The following ARHGEF12 variants were observed in gnomAD, a reference collection of about 807,000 sequenced individuals.
ARHGEF12 encodes KMT2A/ARHGEF12 fusion protein.
In ARHGEF12, 66 loss-of-function variants were observed where a neutral mutation model predicts 211.2. The ratio of observed to expected loss-of-function variants is 0.31; its 90% CI spans 0.26 to 0.38. The LOEUF (loss-of-function observed/expected upper bound fraction) is 0.38. ARHGEF12 is among the 10% of genes least tolerant of loss of function. The pLI is 1.00. For synonymous variants in ARHGEF12, 592 were observed against 638.4 expected, an observed-to-expected ratio of 0.93 and a Z score of 1.09; for missense variants, 1,429 against 1,869.5, an observed-to-expected ratio of 0.76 and a Z score of 4.34.
rs535311380 is a variant in ARHGEF12 at position 120,487,288 on chromosome 11, G to C, written c.*2211G>C. The C allele has an allele frequency of 4.6e-6, 1 of 219,698 alleles. No homozygotes were observed. Among genetic ancestry groups the C allele is most frequent in the East Asian group, 6.7e-5 (1 of 14,862 alleles). 13.6% of individuals were successfully genotyped at this position (219,698 alleles called of 1,614,324 possible). A position where few individuals can be genotyped will look rare whatever the true frequency, so the allele number is the denominator to read the frequency against. Reference sequence around the variant, plus strand: ...TTCCCTGCAGTTCAATTTCTCCTTGGAACTCTAACAGGACTAACTGGAAAA... The same window carrying C: ...TTCCCTGCAGTTCAATTTCTCCTTGCAACTCTAACAGGACTAACTGGAAAA... On this transcript the variant is annotated 3_prime_UTR_variant, in exon 41 of 41. Transcript: ENST00000397843.
rs1407795404 is a variant in ARHGEF12 at position 120,442,164 on chromosome 11, T to C, written c.1264T>C (p.Phe422Leu). The C allele has an allele frequency of 6.2e-7, 1 of 1,610,870 alleles. No homozygotes were observed. Among genetic ancestry groups the C allele is most frequent in the South Asian group, 1.1e-5 (1 of 90,936 alleles). ...HTNSKETRRI[F>L]LEFHQFFLDR... ...CAATTCCAAAGAAACTCGTCGCATC[T>C]TCCTTGAGTTTCATCAGTTCTTTCT... The change falls in exon 15 of 41, where the codon TTC (phenylalanine) becomes CTC (leucine). Residue 422 changes from phenylalanine to leucine, a missense_variant. Physicochemically the swap from Phe to Leu is conservative, Grantham distance 22. This residue lies in a region of ARHGEF12 where 373 missense variants were observed against 467.5 expected (regional missense o/e 0.80). Transcript: ENST00000397843.
At chr11:120,337,657 C>T (rs966884589) in intron 1 of ARHGEF12, 5 of 985,286 alleles carry the variant, frequency 5.1e-6, no homozygotes, top group African/African-American at 1.7e-5. Context: ...TAGCCGTGTC[C>T]TGCAGTAGAT....
At chr11:120,353,203 G>C (rs554727284) in intron 1 of ARHGEF12, among the ~76,000 whole-genome samples, 2 of 152,182 alleles carry the variant, frequency 1.3e-5, no homozygotes, top group Non-Finnish European at 2.9e-5. Flanking sequence ...TCAGCATACA[G>C]GGTCATCAAT....
intron 7 of ARHGEF12, among the ~76,000 whole-genome samples, chr11:120,424,829 G>A (rs1016234777): frequency 6.6e-6 from 1 of 152,170 alleles, no homozygotes; most frequent in African/African-American, 2.4e-5. Flanking sequence ...AGAGGAAGGA[G>A]GTTGAGAAGT....
At chr11:120,483,630 T>G (rs1947319575) in intron 39 of ARHGEF12, among the ~76,000 whole-genome samples, 1 of 151,644 alleles carries the variant, frequency 6.6e-6, no homozygotes, top group African/African-American at 2.4e-5. Flanking sequence ...ATTTATATTT[T>G]TTGAGACAGA....
chr11:120,421,335 G>A (rs1945179091), intron 5 of ARHGEF12, among the ~76,000 whole-genome samples: 1 of 151,766 alleles, frequency 6.6e-6, no homozygotes. Context: ...TGATATTGAG[G>A]CTTAGAGTAA....
Position 120,337,212 on chromosome 11 carries a change from G to A in ARHGEF12, c.-32G>A. On this transcript the variant is annotated 5_prime_UTR_variant, in exon 1 of 41. Coordinates refer to ENST00000397843, the MANE Select transcript of ARHGEF12 (RefSeq NM_015313.3). ...AGGTGTTACTGTAAAATGCAAGTTG[G>A]ATAAAAGGAGGACCTCTCGCCAAGG... is the stretch of plus-strand genomic sequence containing the variant. 2 of 1,614,136 alleles carry A rather than the reference G, an allele frequency of 1.2e-6. No individual in the cohort carries two copies. The highest frequency in any genetic ancestry group is 8.5e-7 in the Non-Finnish European group (1 of 1,180,000).
At chr11:120,369,944 G>A (rs1463920907) in intron 1 of ARHGEF12, among the ~76,000 whole-genome samples, 1 of 152,112 alleles carries the variant, frequency 6.6e-6, no homozygotes, top group Non-Finnish European at 1.5e-5. Context: ...CTTTCCAGAA[G>A]TAAACATCAT....
At chr11:120,470,055 G>A (rs891867700) in intron 30 of ARHGEF12, among the ~76,000 whole-genome samples, 4 of 152,142 alleles carry the variant, frequency 2.6e-5, no homozygotes, top group African/African-American at 9.7e-5. Flanking sequence ...TGCCTAAAAA[G>A]CAAAGTCAGA....
At chr11:120,456,778 G>A (rs1052701899) in intron 22 of ARHGEF12, among the ~76,000 whole-genome samples, 2 of 152,136 alleles carry the variant, frequency 1.3e-5, no homozygotes, top group African/African-American at 4.8e-5. Context: ...AGGATTGCTT[G>A]AGCCCAGGAA....
intron 33 of ARHGEF12, 54 bp from the exon 34 acceptor site, chr11:120,476,607 C>A: frequency 7.2e-7 from 1 of 1,398,082 alleles, no homozygotes; most frequent in African/African-American, 1.4e-5. Flanking sequence ...AAAAACATCC[C>A]TCATGGCCTC....
Position 120,478,210 on chromosome 11 carries a change from C to T in ARHGEF12, c.3587C>T (p.Ser1196Leu). The T allele has an allele frequency of 1.2e-6, 2 of 1,614,092 alleles. No individual in the cohort carries two copies. The highest frequency in any genetic ancestry group is 1.1e-5 in the South Asian group (1 of 91,064). The change falls in exon 37 of 41, where the codon TCA becomes TTA. Residue 1196 changes from serine (S) to leucine (L), a missense_variant. Ser to Leu is a moderately radical substitution (Grantham distance 145). This residue lies in a region of ARHGEF12 where 467 missense variants were observed against 468.4 expected (regional missense o/e 1.00). Transcript: ENST00000397843. ...ATATCGTCAAAACCTCAGTCTCATT[C>T]ACTGAGTACCTCTGGGAAATCAGAG... ...TLISSKPQSH[S>L]LSTSGKSEVR...
intron 6 of ARHGEF12, among the ~76,000 whole-genome samples, chr11:120,422,680 G>A (rs1945227682): frequency 6.6e-6 from 1 of 152,128 alleles, no homozygotes; most frequent in Non-Finnish European, 1.5e-5. Flanking sequence ...AGCGATACCT[G>A]ACCTGTATGC....
At chr11:120,353,810 AC>A (rs1403732640) in intron 1 of ARHGEF12, among the ~76,000 whole-genome samples, 1 of 151,898 alleles carries the variant, frequency 6.6e-6, no homozygotes. Flanking sequence ...CCAGATCTCC[AC>A]CCGCCCTTCT....
chr11:120,438,508 A>G (rs975291594), intron 12 of ARHGEF12: 1 of 152,146 alleles, frequency 6.6e-6, no homozygotes, highest in Non-Finnish European at 1.5e-5. Flanking sequence ...AAGAGTTGTT[A>G]AAAGGCAGAA....
rs754670094 is a variant in ARHGEF12 at position 120,429,510 on chromosome 11, G to A, written c.656G>A (p.Arg219Gln). Residue 219 changes from arginine (R) to glutamine (Q), a missense_variant, in exon 9 of 41, where the codon CGG (arginine) becomes CAG (glutamine). Arg to Gln is a conservative substitution (Grantham distance 43, BLOSUM62 1). Coordinates refer to ENST00000397843, the MANE Select transcript of ARHGEF12 (RefSeq NM_015313.3). ...AAAATGTTACAGAAAGAACAGGAAC[G>A]GCTACAGGTATTAAATGAGAAGTAG... is the stretch of plus-strand genomic sequence containing the variant. ...LRKMLQKEQE[R>Q]LQLLQEDYNR... 8.1e-6 allele frequency: 13 copies of A among 1,613,648 alleles called. No individual in the cohort carries two copies. The highest frequency in any genetic ancestry group is 9.3e-6 in the Non-Finnish European group (11 of 1,179,826).
At chr11:120,370,299 A>G (rs544037672) in intron 1 of ARHGEF12, among the ~76,000 whole-genome samples, 3 of 152,070 alleles carry the variant, frequency 2.0e-5, no homozygotes, top group South Asian at 4.2e-4. Flanking sequence ...TAATGTTTCC[A>G]TTATTTGTAG....
intron 14 of ARHGEF12, 139 bp downstream of exon 14, chr11:120,441,956 A>G (rs1565484356): frequency 1.2e-5 from 11 of 921,082 alleles, no homozygotes; most frequent in Non-Finnish European, 1.6e-5. Flanking sequence ...TAATTAAAAC[A>G]TTATTTTTAA....
intron 40 of ARHGEF12, 22 bp from the exon 41 acceptor site, chr11:120,485,045 C>T: frequency 6.2e-7 from 1 of 1,611,262 alleles, no homozygotes. Context: ...ATATCATTTC[C>T]ATGTATCTTT....
Sources: gnomAD v4.1 joint callset for allele counts (sites outside exome capture counted in the v4.1 genomes callset) on GRCh38, gnomAD v4.1.1 for gene constraint, gnomAD v4.1.1 regional missense constraint, MANE v1.5 for transcripts, NCBI Gene and HGNC (gene_info 2026-07-23, HGNC 2026-07-21) for gene names.